The following PCBP3 variants were observed in gnomAD, a reference collection of about 807,000 sequenced individuals.
The protein encoded by PCBP3 is poly(rC) binding protein 3.
PCBP3 carries 25 observed loss-of-function variants against 52.7 expected under a neutral mutation model. The ratio of observed to expected loss-of-function variants is 0.47; its 90% CI spans 0.35 to 0.66. The LOEUF (loss-of-function observed/expected upper bound fraction) is 0.66. PCBP3 is among the 30% of genes least tolerant of loss of function. PCBP3 has a pLI of 0.01. For synonymous variants in PCBP3, 162 were observed against 183.0 expected (o/e 0.89, Z 0.93); for missense variants, 391 against 490.3 (o/e 0.80, Z 1.91).
intron 3 of PCBP3, among the ~76,000 whole-genome samples, chr21:45,752,458 A>G (rs758130822): frequency 1.0e-3 from 152 of 152,222 alleles, no homozygotes; most frequent in African/African-American, 3.6e-3. Flanking sequence ...CCCTCAAAGT[A>G]CAGCTTGTTG....
chr21:45,669,683 C>G (rs188021761), intron 2 of PCBP3, among the ~76,000 whole-genome samples: 1 of 151,230 alleles, frequency 6.6e-6, no homozygotes, highest in East Asian at 1.9e-4. Context: ...AATATTTTTC[C>G]TTTTGTGACT....
chr21:45,644,569 A>G (rs771749561), intron 1 of PCBP3, among the ~76,000 whole-genome samples: 32 of 151,976 alleles, frequency 2.1e-4, no homozygotes, highest in Non-Finnish European at 4.1e-4. Context: ...GAAGTATATT[A>G]CTGGCATAAG....
intron 9 of PCBP3, among the ~76,000 whole-genome samples, chr21:45,906,713 C>T (rs530248236): frequency 1.4e-4 from 21 of 152,206 alleles, no homozygotes; most frequent in Non-Finnish European, 2.8e-4. Flanking sequence ...AGGAGTTCTC[C>T]GGGAGCTCAG....
chr21:45,712,669 A>G (rs758780333), intron 2 of PCBP3, among the ~76,000 whole-genome samples: 2 of 151,352 alleles, frequency 1.3e-5, no homozygotes, highest in Non-Finnish European at 2.9e-5. Flanking sequence ...GATGATTATT[A>G]TACATTTCTT....
At chr21:45,749,151 C>CA (rs144087129) in intron 3 of PCBP3, among the ~76,000 whole-genome samples, 4,030 of 152,214 alleles carry the variant, frequency 0.026, 65 homozygotes, top group Non-Finnish European at 0.04. Context: ...AGTAAAGAAA[C>CA]AGAGACTAAA....
At chr21:45,924,304 A>G (rs2075006515) in intron 13 of PCBP3, among the ~76,000 whole-genome samples, 1 of 143,376 alleles carries the variant, frequency 7.0e-6, no homozygotes, top group Non-Finnish European at 1.5e-5. Flanking sequence ...AACACCGGGA[A>G]CAGTCGCGTG....
At chr21:45,725,082 A>G (rs926471206) in intron 2 of PCBP3, among the ~76,000 whole-genome samples, 1 of 151,882 alleles carries the variant, frequency 6.6e-6, no homozygotes, top group Admixed American at 6.6e-5. Flanking sequence ...TATCTTTCTT[A>G]TGAAGAAATT....
chr21:45,771,785 G>C (rs578194525), intron 4 of PCBP3, among the ~76,000 whole-genome samples: 29 of 152,228 alleles, frequency 1.9e-4, no homozygotes, highest in African/African-American at 6.5e-4. Context: ...AGAGGCATTG[G>C]AATTGAAAAA....
At chr21:45,658,450 C>T (rs1046062068) in intron 1 of PCBP3, among the ~76,000 whole-genome samples, 3 of 152,066 alleles carry the variant, frequency 2.0e-5, no homozygotes, top group South Asian at 2.1e-4. Context: ...ATGACAGGTG[C>T]GTGCCACCAT....
At chr21:45,938,055 G>A (rs545994338) in intron 16 of PCBP3, among the ~76,000 whole-genome samples, 1 of 152,346 alleles carries the variant, frequency 6.6e-6, no homozygotes, top group Admixed American at 6.5e-5. Context: ...GAGAGGGCGG[G>A]GTGAGAGCAG....
chr21:45,893,804 G>A lies in PCBP3; in HGVS notation c.11-2404G>A, dbSNP rs539216850. On this transcript the variant is annotated intron_variant, in intron 5 of 17. Transcript: ENST00000681687. Reference sequence around the variant, plus strand: ...GGGAGGGGCGGGCAAGCCTCAGAACGGGCTCCATTCTGAGAAACGGCCAGT... The same window carrying A: ...GGGAGGGGCGGGCAAGCCTCAGAACAGGCTCCATTCTGAGAAACGGCCAGT... 3,595 of 985,486 alleles carry A rather than the reference G, an allele frequency of 3.6e-3. 8 individuals are homozygous for A. The highest frequency in any genetic ancestry group is 0.013 in the Middle Eastern group (25 of 1,916). The allele number at this position is 985,486 out of a possible 1,614,324, so 61.0% of individuals were successfully genotyped here. A position where few individuals can be genotyped will look rare whatever the true frequency, so the allele number is the denominator to read the frequency against.
chr21:45,666,154 C>T (rs1030653180), intron 1 of PCBP3, among the ~76,000 whole-genome samples: 13 of 152,124 alleles, frequency 8.5e-5, no homozygotes, highest in Non-Finnish European at 1.9e-4. Flanking sequence ...GACCCACAGC[C>T]AACATCATTC....
At chr21:45,756,346 T>C (rs1165938645) in intron 4 of PCBP3, among the ~76,000 whole-genome samples, 5 of 152,184 alleles carry the variant, frequency 3.3e-5, no homozygotes, top group Non-Finnish European at 1.5e-5. Context: ...TTATAATAAG[T>C]CTTGAAATCA....
At chr21:45,834,305 G>A (rs911185854) in intron 4 of PCBP3, among the ~76,000 whole-genome samples, 4 of 152,246 alleles carry the variant, frequency 2.6e-5, no homozygotes, top group Admixed American at 6.5e-5. Context: ...AGCGCCCTCC[G>A]ACCAGGGCGC....
Position 45,791,524 on chromosome 21 carries a change from C to T in PCBP3, c.-126+36072C>T, listed in dbSNP as rs1362479158. 6.6e-6 allele frequency among the ~76,000 whole-genome samples: 1 copy of T among 152,082 alleles called. No homozygotes were observed. Among genetic ancestry groups the T allele is most frequent in the Non-Finnish European group, 1.5e-5 (1 of 68,028 alleles). ...GCCAGACACAAAGGCAGAGAGGAGA[C>T]GATGGTCTCGCGGCGTGATCTGGGC... On this transcript the variant is annotated intron_variant, in intron 4 of 17. Transcript: ENST00000681687. The surrounding 1 kb of genome is among the most constrained non-coding windows in gnomAD (Gnocchi z 4.2).
chr21:45,873,910 T>C (rs1352482563), intron 5 of PCBP3, among the ~76,000 whole-genome samples: 1 of 152,208 alleles, frequency 6.6e-6, no homozygotes, highest in Non-Finnish European at 1.5e-5. Context: ...ACTACAAGCG[T>C]GCGCCATCGT....
intron 1 of PCBP3, among the ~76,000 whole-genome samples, chr21:45,646,078 TCTCTTTC>T: frequency 1.8e-5 from 2 of 112,252 alleles, no homozygotes; most frequent in African/African-American, 7.2e-5. Flanking sequence ...TCTCTCTCTC[TCTCTTTC>T]TCTCTCTCTC....
chr21:45,778,002 GTGTTCATACTTTGATGTC>G (rs1301185736), intron 4 of PCBP3, among the ~76,000 whole-genome samples: 1 of 134,162 alleles, frequency 7.5e-6, no homozygotes, highest in East Asian at 2.1e-4. Flanking sequence ...CATGTTTCTT[GTGTTCATACTTTGATGTC>G]TGTTCTGCAC....
intron 5 of PCBP3, among the ~76,000 whole-genome samples, chr21:45,850,925 G>T (rs2093971944): frequency 6.6e-6 from 1 of 152,162 alleles, no homozygotes; most frequent in Non-Finnish European, 1.5e-5. Context: ...AAAAACTCTT[G>T]TTAGAAATAA....
Sources: allele counts gnomAD v4.1 joint callset (sites outside exome capture counted in the v4.1 genomes callset), GRCh38; gene constraint gnomAD v4.1.1; non-coding constraint Gnocchi (gnomAD v3.1); transcripts MANE v1.5; gene names NCBI Gene and HGNC (gene_info 2026-07-23, HGNC 2026-07-21).